Variants in CCDC30 observed in about 807,000 individuals in gnomAD.
The protein encoded by CCDC30 is coiled-coil domain containing 30.
In CCDC30, 70 loss-of-function variants were observed where a neutral mutation model predicts 100.2. The observed-to-expected ratio is 0.70, with a 90% confidence interval of 0.58 to 0.85. CCDC30 has a LOEUF of 0.85. CCDC30 is among the 40% of genes least tolerant of loss of function. CCDC30 has a pLI of 0.00. For synonymous variants in CCDC30, 233 were observed against 269.5 expected, an observed-to-expected ratio of 0.86 and a Z score of 1.33; for missense variants, 652 against 771.2, an observed-to-expected ratio of 0.85 and a Z score of 1.83.
intron 6 of CCDC30, among the ~76,000 whole-genome samples, chr1:42,524,570 C>T (rs781402475): frequency 4.6e-5 from 7 of 152,088 alleles, no homozygotes; most frequent in African/African-American, 7.2e-5. Flanking sequence ...CCTACATGAG[C>T]GAAAGCAGCA....
At chr1:42,552,982 C>G (rs1452346325) in intron 6 of CCDC30, among the ~76,000 whole-genome samples, 1 of 152,102 alleles carries the variant, frequency 6.6e-6, no homozygotes, top group Non-Finnish European at 1.5e-5. Flanking sequence ...TCTGACACCA[C>G]CCCAGTCAGG....
In CCDC30 at chr1:42,497,056, A is replaced by G. The variant is rs41269491; in HGVS notation, c.242-42A>G. 7,689 of 1,100,994 alleles carry G rather than the reference A, an allele frequency of 7.0e-3. 39 individuals carry two copies. The highest frequency in any genetic ancestry group is 8.2e-3 in the Non-Finnish European group (7,091 of 866,342). 68.2% of individuals were successfully genotyped at this position (1,100,994 alleles called of 1,614,324 possible). A position where few individuals can be genotyped will look rare whatever the true frequency, so the allele number is the denominator to read the frequency against. On this transcript the variant is annotated intron_variant, in intron 4 of 16. Transcript: ENST00000668663. ...TAGAGTTAGTGCCCCTGAAACTAAA[A>G]CTTTGATCCAGTTGAGTAAACTGTG...
At chr1:42,519,382 G>C (rs2148500986) in intron 6 of CCDC30, among the ~76,000 whole-genome samples, 1 of 152,232 alleles carries the variant, frequency 6.6e-6, no homozygotes, top group East Asian at 1.9e-4. Flanking sequence ...TAAATGTTTG[G>C]TAGAATTCAC....
At chr1:42,536,095 C>T (rs1305716220) in intron 6 of CCDC30, among the ~76,000 whole-genome samples, 1 of 151,998 alleles carries the variant, frequency 6.6e-6, no homozygotes, top group East Asian at 1.9e-4. Flanking sequence ...TTACCATAGT[C>T]TCTGACATGT....
exon 11 of CCDC30, chr1:42,611,081 T>C: frequency 1.3e-6 from 2 of 1,583,300 alleles, no homozygotes; most frequent in Middle Eastern, 3.3e-4. Context: ...CTGCTTAATG[T>C]CCATGTGAGG....
At chr1:42,457,386 T>A in the CCDC30 span, 1 of 1,562,660 alleles carries the variant, frequency 6.4e-7, no homozygotes, top group Non-Finnish European at 8.8e-7. Context: ...TCTAATCCCA[T>A]ATAACCAATC....
At chr1:42,502,781 A>G (rs1355513652) in intron 6 of CCDC30, among the ~76,000 whole-genome samples, 2 of 152,226 alleles carry the variant, frequency 1.3e-5, no homozygotes, top group Non-Finnish European at 2.9e-5. Flanking sequence ...CATAAGTGGA[A>G]CCATACAATA....
intron 6 of CCDC30, among the ~76,000 whole-genome samples, chr1:42,535,612 C>G (rs1021848675): frequency 1.7e-5 from 2 of 116,226 alleles, no homozygotes; most frequent in African/African-American, 6.9e-5. Flanking sequence ...GTAATCCCAG[C>G]ACTTTGGGAG....
chr1:42,456,338 A>G, the CCDC30 span: 1 of 608,930 alleles, frequency 1.6e-6, no homozygotes, highest in South Asian at 2.1e-5. Context: ...ACGTGACCCT[A>G]CCAGATGCCC....
intron 1 of CCDC30, chr1:42,473,236 A>G: frequency 2.4e-6 from 3 of 1,231,586 alleles, no homozygotes; most frequent in Non-Finnish European, 3.0e-6. Context: ...CACAGTGAAG[A>G]CAGGCTGAGG....
intron 6 of CCDC30, among the ~76,000 whole-genome samples, chr1:42,512,786 C>G (rs1644499126): frequency 6.6e-6 from 1 of 152,170 alleles, no homozygotes; most frequent in Non-Finnish European, 1.5e-5. Flanking sequence ...CATGCGGTGG[C>G]TAGGCCCAAC....
At chr1:42,528,853 T>C (rs1265812376) in intron 6 of CCDC30, among the ~76,000 whole-genome samples, 2 of 152,224 alleles carry the variant, frequency 1.3e-5, no homozygotes, top group Admixed American at 6.5e-5. Context: ...AAATGTTATC[T>C]GTGACATTCT....
chr1:42,607,084 C>T (rs1646516283), intron 10 of CCDC30, among the ~76,000 whole-genome samples: 2 of 151,950 alleles, frequency 1.3e-5, no homozygotes, highest in Admixed American at 1.3e-4. Flanking sequence ...ACAATTTAAA[C>T]CAAAAGGAAA....
At chr1:42,526,132 C>T (rs1644720885) in intron 6 of CCDC30, among the ~76,000 whole-genome samples, 1 of 152,156 alleles carries the variant, frequency 6.6e-6, no homozygotes, top group Admixed American at 6.5e-5. Context: ...TACAGGATTT[C>T]CCTCATATCA....
At chr1:42,499,009 C>G in intron 6 of CCDC30, 93 bp downstream of exon 6, 1 of 572,182 alleles carries the variant, frequency 1.7e-6, no homozygotes. Flanking sequence ...TAATCATTTG[C>G]TACTCTTTCT....
At position 42,589,332 on chromosome 1, in the gene CCDC30, AT is replaced by A. The variant is rs777651651; in HGVS notation, c.1014del (p.Gln339ArgfsTer3). 3 of 1,602,054 alleles carry A rather than the reference AT, an allele frequency of 1.9e-6. No homozygotes were observed. Among genetic ancestry groups the A allele is most frequent in the Non-Finnish European group, 2.6e-6 (3 of 1,175,984 alleles). On this transcript the variant is annotated frameshift_variant, in exon 10 of 17. Coordinates refer to ENST00000668663, the Ensembl canonical transcript of CCDC30. LOFTEE classifies it high-confidence loss of function. Reference sequence around the variant, plus strand: ...TTAATTGCCCTCAGGAAACTTCTATATCAGAACGTAGATGAGTTACACAGGC... The same window carrying A: ...TTAATTGCCCTCAGGAAACTTCTATACAGAACGTAGATGAGTTACACAGGC...
intron 11 of CCDC30, among the ~76,000 whole-genome samples, chr1:42,629,480 T>C (rs193241296): frequency 6.6e-6 from 1 of 152,312 alleles, no homozygotes; most frequent in East Asian, 1.9e-4. Flanking sequence ...GGAAGTTTGA[T>C]TATTAAATGT....
chr1:42,510,671 A>C (rs1644463767), intron 6 of CCDC30, among the ~76,000 whole-genome samples: 1 of 151,118 alleles, frequency 6.6e-6, no homozygotes, highest in Non-Finnish European at 1.5e-5. Context: ...AAAAAAAAAA[A>C]TGTGGAAAGC....
intron 1 of CCDC30, among the ~76,000 whole-genome samples, chr1:42,475,166 A>G (rs111545724): frequency 0.021 from 3,160 of 152,236 alleles, 125 homozygotes; most frequent in African/African-American, 0.072. Flanking sequence ...AACATAGTGT[A>G]TGATAATGTA....
Sources: gnomAD v4.1 joint callset for allele counts (sites outside exome capture counted in the v4.1 genomes callset) on GRCh38, gnomAD v4.1.1 for gene constraint, MANE v1.5 for transcripts, NCBI Gene and HGNC (gene_info 2026-07-23, HGNC 2026-07-21) for gene names.